Variants in GPATCH2 observed in about 807,000 individuals in gnomAD.
GPATCH2 encodes G-patch domain containing 2, also known as G patch domain-containing protein 2.
GPATCH2 carries 51 observed loss-of-function variants against 58.0 expected under a neutral mutation model. The observed-to-expected ratio is 0.88, with a 90% CI of 0.70 to 1.11. The LOEUF (loss-of-function observed/expected upper bound fraction) is 1.11, where lower values mean the gene tolerates loss of function less well. Among genes scored for constraint, GPATCH2 ranks in the 50% most tolerant of loss-of-function variants. The pLI is 0.00. For synonymous variants in GPATCH2, 222 were observed against 218.5 expected, an observed-to-expected ratio of 1.02 and a Z score of -0.14; for missense variants, 625 against 652.2, an observed-to-expected ratio of 0.96 and a Z score of 0.45.
At chr1:217,440,995 G>A (rs1003827434) in intron 9 of GPATCH2, among the ~76,000 whole-genome samples, 1 of 151,988 alleles carries the variant, frequency 6.6e-6, no homozygotes, top group African/African-American at 2.4e-5. Flanking sequence ...TCACAGAATT[G>A]GAAAAAACTA....
chr1:217,511,348 A>G (rs1662841924), intron 6 of GPATCH2, among the ~76,000 whole-genome samples: 1 of 152,170 alleles, frequency 6.6e-6, no homozygotes, highest in African/African-American at 2.4e-5. Flanking sequence ...AAGAACCAGC[A>G]AAATAACCAG....
intron 5 of GPATCH2, among the ~76,000 whole-genome samples, chr1:217,570,101 C>T (rs913712077): frequency 5.3e-5 from 8 of 151,876 alleles, no homozygotes; most frequent in African/African-American, 1.7e-4. Flanking sequence ...AATGAGATAA[C>T]AAATATAACC....
At chr1:217,542,500 T>A (rs557793468) in intron 5 of GPATCH2, among the ~76,000 whole-genome samples, 1 of 152,170 alleles carries the variant, frequency 6.6e-6, no homozygotes, top group South Asian at 2.1e-4. Context: ...ATTCCAGAGA[T>A]AAGATATAAG....
chr1:217,557,550 ATGT>A (rs1418177646), intron 5 of GPATCH2, among the ~76,000 whole-genome samples: 1 of 152,166 alleles, frequency 6.6e-6, no homozygotes, highest in Non-Finnish European at 1.5e-5. Flanking sequence ...TTGTTCAAAA[ATGT>A]TGTAGCACAT....
intron 5 of GPATCH2, among the ~76,000 whole-genome samples, chr1:217,576,907 A>G (rs979474175): frequency 2.6e-5 from 4 of 152,228 alleles, no homozygotes; most frequent in Non-Finnish European, 5.9e-5. Context: ...ATATATTGCA[A>G]GCACTGGTGA....
At chr1:217,497,133 T>C (rs547497777) in intron 7 of GPATCH2, among the ~76,000 whole-genome samples, 2 of 152,256 alleles carry the variant, frequency 1.3e-5, no homozygotes, top group Non-Finnish European at 2.9e-5. Flanking sequence ...GGGTAGAAAA[T>C]GAGCTTTATA....
At chr1:217,453,847 C>T (rs892018797) in intron 8 of GPATCH2, among the ~76,000 whole-genome samples, 12 of 152,144 alleles carry the variant, frequency 7.9e-5, no homozygotes, top group African/African-American at 2.9e-4. Context: ...CAAACAGAGG[C>T]TGTTCAGAGA....
At chr1:217,489,584 G>A (rs927794860) in intron 8 of GPATCH2, among the ~76,000 whole-genome samples, 13 of 151,618 alleles carry the variant, frequency 8.6e-5, no homozygotes, top group Admixed American at 3.3e-4. Flanking sequence ...ACAAATTGTC[G>A]GGGCACAGTG....
chr1:217,513,635 C>A (rs371521484), intron 6 of GPATCH2, among the ~76,000 whole-genome samples: 1 of 151,986 alleles, frequency 6.6e-6, no homozygotes. Flanking sequence ...AACGAATTAA[C>A]CCCTGGAAAT....
intron 5 of GPATCH2, among the ~76,000 whole-genome samples, chr1:217,518,696 A>T (rs1356740172): frequency 6.6e-6 from 1 of 152,216 alleles, no homozygotes; most frequent in East Asian, 1.9e-4. Context: ...TAAATTAATG[A>T]AGTTTCTTTT....
intron 5 of GPATCH2, among the ~76,000 whole-genome samples, chr1:217,561,542 C>T (rs1247543436): frequency 1.3e-5 from 2 of 152,196 alleles, no homozygotes; most frequent in East Asian, 3.9e-4. Flanking sequence ...TTTTTAACTG[C>T]ACAAAATAAT....
intron 5 of GPATCH2, among the ~76,000 whole-genome samples, chr1:217,570,255 G>A (rs1419432381): frequency 1.3e-5 from 2 of 152,050 alleles, no homozygotes; most frequent in Admixed American, 6.5e-5. Context: ...GGGACTAGAG[G>A]TGCACGCCAC....
At chr1:217,582,264 C>T (rs2102745210) in intron 5 of GPATCH2, among the ~76,000 whole-genome samples, 1 of 152,160 alleles carries the variant, frequency 6.6e-6, no homozygotes, top group South Asian at 2.1e-4. Context: ...CTTGTACAAT[C>T]CTTGTTGCTC....
chr1:217,566,529 T>A (rs1362777087), intron 5 of GPATCH2, among the ~76,000 whole-genome samples: 1 of 152,198 alleles, frequency 6.6e-6, no homozygotes, highest in African/African-American at 2.4e-5. Context: ...TACAAATCAA[T>A]ACATGGGCAA....
chr1:217,584,346 T>TATATATATATATATATATACAC (rs1667233341), intron 5 of GPATCH2, among the ~76,000 whole-genome samples: 2 of 50,818 alleles, frequency 3.9e-5, no homozygotes, highest in African/African-American at 1.2e-4. Context: ...AAAAAAAAAA[T>TATATATATATATATATATACAC]ATATATATAT....
intron 8 of GPATCH2, among the ~76,000 whole-genome samples, chr1:217,480,141 G>A (rs1661151025): frequency 6.6e-6 from 1 of 152,050 alleles, no homozygotes; most frequent in South Asian, 2.1e-4. Context: ...GGACAAATGG[G>A]ATCACGTCAA....
intron 5 of GPATCH2, among the ~76,000 whole-genome samples, chr1:217,573,561 A>T (rs998709342): frequency 6.6e-6 from 1 of 152,192 alleles, no homozygotes; most frequent in African/African-American, 2.4e-5. Context: ...GATTTTATTA[A>T]ATTCAACAAA....
chr1:217,455,483 T>C (rs536353602), intron 8 of GPATCH2, among the ~76,000 whole-genome samples: 1 of 152,220 alleles, frequency 6.6e-6, no homozygotes, highest in Non-Finnish European at 1.5e-5. Context: ...CACTGTGTAG[T>C]TCCTCTCACT....
chr1:217,533,213 C>T (rs139721235), intron 5 of GPATCH2, among the ~76,000 whole-genome samples: 87 of 152,000 alleles, frequency 5.7e-4, no homozygotes, highest in African/African-American at 2.0e-3. Context: ...CCAGCCTGCT[C>T]TTTTCTTTAT....
Sources: gnomAD v4.1 joint callset for allele counts (sites outside exome capture counted in the v4.1 genomes callset) on GRCh38, gnomAD v4.1.1 for gene constraint, MANE v1.5 for transcripts, NCBI Gene and HGNC (gene_info 2026-07-23, HGNC 2026-07-21) for gene names.